Variants in MRC1 observed in about 807,000 individuals in gnomAD.
MRC1 encodes macrophage mannose receptor 1.
In MRC1, 62 loss-of-function variants were observed where a neutral mutation model predicts 102.9. The ratio of observed to expected loss-of-function variants is 0.60; its 90% CI spans 0.49 to 0.74. MRC1 has a LOEUF of 0.74. Ranked by LOEUF, MRC1 falls within the 30% of genes least tolerant of loss-of-function variation. The probability of loss-of-function intolerance (pLI) is 0.00; values close to 1 mark genes in which losing one functional copy is unlikely to be tolerated. For synonymous variants in MRC1, 457 were observed against 298.4 expected (o/e 1.53, Z -5.48); for missense variants, 1,237 against 862.8 (o/e 1.43, Z -5.43).
intron 1 of MRC1, among the ~76,000 whole-genome samples, chr10:17,814,764 C>A (rs1838285063): frequency 6.8e-6 from 1 of 147,820 alleles, no homozygotes; most frequent in Admixed American, 6.9e-5. Context: ...CGGCTCACCG[C>A]AACCTCTGCT....
Position 17,845,364 on chromosome 10 carries a change from A to G in MRC1, c.992A>G (p.Glu331Gly), listed in dbSNP as rs1838810550. 1.3e-6 allele frequency: 1 copy of G among 780,792 alleles called. No homozygotes were observed. The highest frequency in any genetic ancestry group is 2.4e-6 in the Non-Finnish European group (1 of 417,948). The allele number at this position is 780,792 out of a possible 1,614,324, so 48.4% of individuals were successfully genotyped here. A position where few individuals can be genotyped will look rare whatever the true frequency, so the allele number is the denominator to read the frequency against. ...AAAAATGCTAAATGGGAAAATCTGG[A>G]ATGTGTTCAGAAACTGGGCTATATT... ...PGKNAKWENL[E>G]CVQKLGYICK... Residue 331 changes from glutamate to glycine, a missense_variant, in exon 6 of 30, where the codon GAA (glutamate) becomes GGA (glycine). Glu to Gly is a moderately conservative substitution (Grantham distance 98). Coordinates refer to ENST00000569591, the MANE Select transcript of MRC1 (RefSeq NM_002438.4).
At chr10:17,891,120 T>A (rs968519508) in intron 22 of MRC1, among the ~76,000 whole-genome samples, 1 of 150,898 alleles carries the variant, frequency 6.6e-6, no homozygotes, top group Admixed American at 6.7e-5. Flanking sequence ...GATGGTGAGT[T>A]GTATCACTAG....
intron 6 of MRC1, among the ~76,000 whole-genome samples, chr10:17,847,916 T>C (rs544154368): frequency 1.7e-5 from 1 of 60,358 alleles, no homozygotes; most frequent in Non-Finnish European, 3.0e-5. Context: ...GCTTTCTTTT[T>C]CTTTTTCTTC....
At chr10:17,880,919 C>T (rs931368422) in intron 20 of MRC1, 148 bp from the exon 21 acceptor site, 494 of 701,542 alleles carry the variant, frequency 7.0e-4, no homozygotes, top group Non-Finnish European at 1.2e-3. Context: ...ATAAAACTAA[C>T]AATTTTTTAA....
Position 17,879,763 on chromosome 10 carries a change from A to C in MRC1, c.2661A>C (p.Thr887=). 1.3e-6 allele frequency: 1 copy of C among 780,894 alleles called. No homozygotes were observed. Among genetic ancestry groups the C allele is most frequent in the African/African-American group, 1.7e-5 (1 of 59,262 alleles). The allele number at this position is 780,894 out of a possible 1,614,324, so 48.4% of individuals were successfully genotyped here. A position where few individuals can be genotyped will look rare whatever the true frequency, so the allele number is the denominator to read the frequency against. ...GSKVDYVSWA[T]GEPNFANEDE... is the part of the protein sequence containing the mutation. ...AAGTGGATTACGTGTCTTGGGCCAC[A>C]GGTGAACCCAATTTTGCAAATGAAG... is the stretch of plus-strand genomic sequence containing the variant. The change falls in exon 19 of 30, where the codon ACA becomes ACC. Residue 887 remains threonine (T), a synonymous_variant. Coordinates refer to ENST00000569591, the MANE Select transcript of MRC1 (RefSeq NM_002438.4).
chr10:17,822,021 A>T (rs945289562), intron 1 of MRC1, among the ~76,000 whole-genome samples: 1 of 151,920 alleles, frequency 6.6e-6, no homozygotes, highest in Admixed American at 6.6e-5. Context: ...AAAGCTTTAC[A>T]TGAACTCAAT....
At chr10:17,904,402 T>C (rs2130722213) in intron 26 of MRC1, among the ~76,000 whole-genome samples, 1 of 152,350 alleles carries the variant, frequency 6.6e-6, no homozygotes, top group East Asian at 1.9e-4. Context: ...AAATTCCTGC[T>C]TGACAGTCAT....
At position 17,827,616 on chromosome 10, in the gene MRC1, G is replaced by T; in HGVS notation, c.538G>T (p.Ala180Ser). The T allele has an allele frequency of 1.3e-6, 1 of 780,822 alleles. No individual in the cohort carries two copies. The highest frequency in any genetic ancestry group is 2.4e-5 in the East Asian group (1 of 41,242). The allele number at this position is 780,822 out of a possible 1,614,324, so 48.4% of individuals were successfully genotyped here. ...FPFKFENKWY[A>S]DCTSAGRSDG... is the part of the protein sequence containing the mutation. ...GTTCAAGTTTGAAAACAAGTGGTAC[G>T]CAGATTGCACGAGTGCTGGGCGGTC... Residue 180 changes from alanine (A) to serine (S), a missense_variant, in exon 3 of 30, where the codon GCA becomes TCA. Ala to Ser is a moderately conservative substitution (Grantham distance 99). Transcript: ENST00000569591.
intron 10 of MRC1, among the ~76,000 whole-genome samples, chr10:17,863,300 A>G (rs1446105040): frequency 2.0e-5 from 3 of 152,196 alleles, no homozygotes; most frequent in African/African-American, 7.2e-5. Context: ...TGGTTTGAGT[A>G]TCTCCGAATG....
chr10:17,842,375 G>A (rs1564614768), intron 5 of MRC1, among the ~76,000 whole-genome samples: 1 of 152,228 alleles, frequency 6.6e-6, no homozygotes, highest in East Asian at 1.9e-4. Context: ...AATATATTTT[G>A]GCTTAAATAA....
chr10:17,823,834 A>C (rs1233823855), intron 2 of MRC1, among the ~76,000 whole-genome samples: 1 of 152,246 alleles, frequency 6.6e-6, no homozygotes, highest in African/African-American at 2.4e-5. Context: ...TGATAAATAC[A>C]TTTAGCCAAA....
At chr10:17,813,305 G>A (rs1411706371) in intron 1 of MRC1, among the ~76,000 whole-genome samples, 1 of 152,078 alleles carries the variant, frequency 6.6e-6, no homozygotes, top group Non-Finnish European at 1.5e-5. Context: ...ATCCAACTGT[G>A]GTTCTGACAT....
chr10:17,825,380 G>T (rs1589165622), intron 2 of MRC1, among the ~76,000 whole-genome samples: 1 of 152,160 alleles, frequency 6.6e-6, no homozygotes, highest in South Asian at 2.1e-4. Flanking sequence ...CAGTGGGGTA[G>T]TTGGGGTTCT....
chr10:17,815,617 A>G (rs1414857409), intron 1 of MRC1, among the ~76,000 whole-genome samples: 1 of 151,902 alleles, frequency 6.6e-6, no homozygotes, highest in African/African-American at 2.4e-5. Flanking sequence ...TTAAGGTGGT[A>G]GGAGGGAAGT....
At chr10:17,891,311 C>T (rs1361589221) in intron 22 of MRC1, among the ~76,000 whole-genome samples, 6 of 151,692 alleles carry the variant, frequency 4.0e-5, no homozygotes, top group Admixed American at 1.3e-4. Context: ...GGACTACAGG[C>T]GCCCGCCACC....
At chr10:17,815,068 A>G (rs1315208175) in intron 1 of MRC1, among the ~76,000 whole-genome samples, 3 of 152,140 alleles carry the variant, frequency 2.0e-5, no homozygotes, top group South Asian at 2.1e-4. Flanking sequence ...CAAGTTAACA[A>G]TAATAATAAT....
At chr10:17,859,386 C>T (rs904193252) in intron 9 of MRC1, among the ~76,000 whole-genome samples, 103 of 152,166 alleles carry the variant, frequency 6.8e-4, no homozygotes, top group African/African-American at 2.3e-3. Flanking sequence ...GGCATGATCT[C>T]GGCTCAGCGC....
chr10:17,863,758 ATC>A (rs1833220396), intron 11 of MRC1, 76 bp downstream of exon 11: 1 of 738,930 alleles, frequency 1.4e-6, no homozygotes, highest in Non-Finnish European at 2.5e-6. Context: ...TCCTCCGGGT[ATC>A]TCTGCAAATA....
chr10:17,860,524 C>G (rs965745518), intron 9 of MRC1, among the ~76,000 whole-genome samples: 1 of 152,302 alleles, frequency 6.6e-6, no homozygotes, highest in African/African-American at 2.4e-5. Context: ...GTCATCCTCC[C>G]AACTTCGACT....
Sources: allele counts gnomAD v4.1 joint callset (sites outside exome capture counted in the v4.1 genomes callset), GRCh38; gene constraint gnomAD v4.1.1; transcripts MANE v1.5; gene names NCBI Gene and HGNC (gene_info 2026-07-23, HGNC 2026-07-21).